IQCH: variants seen among roughly 807,000 people sequenced by gnomAD.
IQCH encodes IQ domain-containing protein H.
Under a neutral mutation model 117.0 loss-of-function variants are expected in IQCH, and 98 were observed. That is an observed-to-expected ratio of 0.84 (90% CI 0.71 to 0.99). The LOEUF is 0.99. Among genes scored for constraint, IQCH ranks in the 50% least tolerant of loss-of-function variants. The probability of loss-of-function intolerance (pLI) is 0.00; values close to 1 mark genes in which losing one functional copy is unlikely to be tolerated. For synonymous variants in IQCH, 412 were observed against 448.2 expected (o/e 0.92, Z 1.02); for missense variants, 1,102 against 1,243.8 (o/e 0.89, Z 1.72).
rs931563869 is a variant in IQCH at position 67,436,668 on chromosome 15, G to A, written c.2505+15091G>A. ...TAGCCTGCAACAAGTTTTCAAGCCC[G>A]TCTTGCCCTCTGCCTGGAAAGAGAC... is the stretch of plus-strand genomic sequence containing the variant. On this transcript the variant is annotated intron_variant, in intron 16 of 20. Coordinates refer to ENST00000335894, the MANE Select transcript of IQCH (RefSeq NM_001031715.3). The surrounding 1 kb of genome is among the most constrained non-coding windows in gnomAD (Gnocchi z 5.1). Among the ~76,000 whole-genome samples, 16 of 152,142 alleles carry A rather than the reference G, an allele frequency of 1.1e-4. No homozygotes were observed. The highest frequency in any genetic ancestry group is 3.6e-4 in the African/African-American group (15 of 41,420).
chr15:67,466,477 G>A lies in IQCH; in HGVS notation c.2676+1180G>A, dbSNP rs920420206. ...TCTAGTGATTAATGGGACCCAACATGAGTGTCCCAGAGATACCTTTTCCAA... is the reference window on the plus strand; with the variant it reads ...TCTAGTGATTAATGGGACCCAACATAAGTGTCCCAGAGATACCTTTTCCAA... On this transcript the variant is annotated intron_variant, in intron 17 of 20. Transcript: ENST00000335894. This position sits in a 1 kb window ranked among gnomAD's most constrained non-coding sequence, Gnocchi z 4.4. 1.3e-5 allele frequency: 2 copies of A among 152,184 alleles called. No homozygotes were observed. The highest frequency in any genetic ancestry group is 4.8e-5 in the African/African-American group (2 of 41,442). 9.4% of individuals were successfully genotyped at this position (152,184 alleles called of 1,614,324 possible).
At chr15:67,350,891 A>G (rs1339894593) in intron 6 of IQCH, among the ~76,000 whole-genome samples, 1 of 152,190 alleles carries the variant, frequency 6.6e-6, no homozygotes, top group African/African-American at 2.4e-5. Flanking sequence ...CCTGCTTGAC[A>G]TGAAAGGAAA....
intron 13 of IQCH, among the ~76,000 whole-genome samples, chr15:67,396,985 G>A (rs992336168): frequency 1.3e-5 from 2 of 152,160 alleles, no homozygotes; most frequent in Non-Finnish European, 2.9e-5. Flanking sequence ...AGTAGGAGTG[G>A]AATAGAGAGG....
At chr15:67,257,147 T>A (rs2140421312) in intron 1 of IQCH, among the ~76,000 whole-genome samples, 1 of 152,354 alleles carries the variant, frequency 6.6e-6, no homozygotes, top group South Asian at 2.1e-4. Context: ...AAGTAGTGAC[T>A]TTGAGTTAGG....
intron 4 of IQCH, chr15:67,307,029 C>A: frequency 7.5e-7 from 1 of 1,338,000 alleles, no homozygotes; most frequent in Non-Finnish European, 9.5e-7. Context: ...TTTAAAAGAA[C>A]AATTATGAAT....
In IQCH at chr15:67,413,070, GGTGTGTGTGTGTGTGT is replaced by G. The variant is rs35806920; in HGVS notation, c.2098-3846_2098-3831del. 6.8e-6 allele frequency among the ~76,000 whole-genome samples: 1 copy of G among 147,864 alleles called. No individual in the cohort carries two copies. The highest frequency in any genetic ancestry group is 1.5e-5 in the Non-Finnish European group (1 of 66,544). ...ATTGGAGTGTTTGTCTGTTATGGAAGGTGTGTGTGTGTGTGTGTGTGTGTGTGTGTCTGTGTGTACA... is the reference window on the plus strand; with the variant it reads ...ATTGGAGTGTTTGTCTGTTATGGAAGGTGTGTGTGTGTGTCTGTGTGTACA... On this transcript the variant is annotated intron_variant, in intron 14 of 20. Coordinates refer to ENST00000335894, the MANE Select transcript of IQCH (RefSeq NM_001031715.3). This position sits in a 1 kb window ranked among gnomAD's most constrained non-coding sequence, Gnocchi z 5.0.
intron 16 of IQCH, among the ~76,000 whole-genome samples, chr15:67,461,096 G>A (rs1324008465): frequency 1.3e-5 from 2 of 152,138 alleles, no homozygotes; most frequent in African/African-American, 2.4e-5. Context: ...GATTAAATGG[G>A]CTGGGCTCAG....
At chr15:67,305,203 G>A (rs1463872871) in intron 4 of IQCH, among the ~76,000 whole-genome samples, 1 of 152,020 alleles carries the variant, frequency 6.6e-6, no homozygotes, top group African/African-American at 2.4e-5. Flanking sequence ...GCTCTTAAAT[G>A]TATGCCTTGG....
chr15:67,266,609 A>G (rs1965683514), intron 3 of IQCH, among the ~76,000 whole-genome samples: 2 of 152,230 alleles, frequency 1.3e-5, no homozygotes, highest in African/African-American at 2.4e-5. Context: ...GTGAGCCGAG[A>G]TTGTGCCACT....
intron 3 of IQCH, among the ~76,000 whole-genome samples, chr15:67,276,026 A>C (rs985425098): frequency 2.0e-5 from 3 of 152,246 alleles, no homozygotes; most frequent in Non-Finnish European, 2.9e-5. Context: ...CTTAAGTATC[A>C]ACAGTAAAAG....
Position 67,393,239 on chromosome 15 carries a change from G to A in IQCH, c.1633-2052G>A, listed in dbSNP as rs187374462. On this transcript the variant is annotated intron_variant, in intron 12 of 20. Coordinates refer to ENST00000335894, the MANE Select transcript of IQCH (RefSeq NM_001031715.3). This position sits in a 1 kb window ranked among gnomAD's most constrained non-coding sequence, Gnocchi z 5.5. ...AAGGTTGAGTTTTCTAAATCACCTA[G>A]CAAATTACAAATTCAGGACTGAAAT... Among the ~76,000 whole-genome samples, 138 of 152,308 alleles carry A rather than the reference G, an allele frequency of 9.1e-4. No individual in the cohort carries two copies. The highest frequency in any genetic ancestry group is 1.7e-3 in the Non-Finnish European group (117 of 68,024).
chr15:67,413,248 G>A lies in IQCH; in HGVS notation c.2098-3683G>A, dbSNP rs1261117685. On this transcript the variant is annotated intron_variant, in intron 14 of 20. Coordinates refer to ENST00000335894, the MANE Select transcript of IQCH (RefSeq NM_001031715.3). This position sits in a 1 kb window ranked among gnomAD's most constrained non-coding sequence, Gnocchi z 5.0. Reference sequence around the variant, plus strand: ...GAGAACAGAAAGCCCCCCAAAAACTGAGAGCTTGCATCTGACGTCGATAGA... The same window carrying A: ...GAGAACAGAAAGCCCCCCAAAAACTAAGAGCTTGCATCTGACGTCGATAGA... Among the ~76,000 whole-genome samples, 3 of 152,164 alleles carry A rather than the reference G, an allele frequency of 2.0e-5. No homozygotes were observed. Among genetic ancestry groups the A allele is most frequent in the Admixed American group, 6.5e-5 (1 of 15,282 alleles).
chr15:67,346,804 A>G lies in IQCH; in HGVS notation c.637+2613A>G, dbSNP rs186459214. ...ACCAAAATAGACCATATTCTGGACC[A>G]TAAAACAAATATTAACCAATTTAAA... On this transcript the variant is annotated intron_variant, in intron 6 of 20. Transcript: ENST00000335894. Among the ~76,000 whole-genome samples the G allele has an allele frequency of 2.1e-3, 316 of 152,334 alleles. 4 individuals carry two copies. Among genetic ancestry groups the G allele is most frequent in the South Asian group, 0.019 (94 of 4,826 alleles).
chr15:67,314,484 G>GA (rs11343033), intron 4 of IQCH, among the ~76,000 whole-genome samples: 3,090 of 136,202 alleles, frequency 0.023, 92 homozygotes, highest in African/African-American at 0.061. Flanking sequence ...TGTGCTAAAT[G>GA]AAAAAAAAAA....
chr15:67,380,507 T>C (rs1177393262), intron 10 of IQCH, among the ~76,000 whole-genome samples: 1 of 152,230 alleles, frequency 6.6e-6, no homozygotes, highest in Non-Finnish European at 1.5e-5. Flanking sequence ...TATCTTGTGC[T>C]TTCACACTTG....
chr15:67,440,831 A>C, intron 16 of IQCH, among the ~76,000 whole-genome samples: 1 of 151,852 alleles, frequency 6.6e-6, no homozygotes, highest in African/African-American at 2.4e-5. Flanking sequence ...CACTCTCACC[A>C]CTCCTCTTTA....
chr15:67,255,200 C>T, intron 1 of IQCH: 1 of 553,274 alleles, frequency 1.8e-6, no homozygotes, highest in Non-Finnish European at 3.2e-6. Context: ...ACCGTTCACC[C>T]GGAACCTTTA....
Position 67,456,012 on chromosome 15 carries a change from A to G in IQCH, c.2506-9115A>G, listed in dbSNP as rs2082649122. 6.6e-6 allele frequency among the ~76,000 whole-genome samples: 1 copy of G among 152,216 alleles called. No individual in the cohort carries two copies. The highest frequency in any genetic ancestry group is 2.4e-5 in the African/African-American group (1 of 41,462). On this transcript the variant is annotated intron_variant, in intron 16 of 20. Coordinates refer to ENST00000335894, the MANE Select transcript of IQCH (RefSeq NM_001031715.3). The surrounding 1 kb of genome is among the most constrained non-coding windows in gnomAD (Gnocchi z 5.1). The stretch of plus-strand genomic sequence containing the variant: ...AAGAAATGCTTAAAAAGAAATGAGT[A>G]TATTCTGTATCTTTATAAATAATAG...
At chr15:67,287,635 T>C (rs1225903316) in intron 4 of IQCH, among the ~76,000 whole-genome samples, 1 of 152,062 alleles carries the variant, frequency 6.6e-6, no homozygotes, top group Non-Finnish European at 1.5e-5. Context: ...TGATTTTATT[T>C]ATTTGGGACT....
Sources: allele counts gnomAD v4.1 joint callset (sites outside exome capture counted in the v4.1 genomes callset), GRCh38; gene constraint gnomAD v4.1.1; non-coding constraint Gnocchi (gnomAD v3.1); transcripts MANE v1.5; gene names NCBI Gene and HGNC (gene_info 2026-07-23, HGNC 2026-07-21).